The following GLG1 variants were observed in gnomAD, a reference collection of about 807,000 sequenced individuals.
The protein encoded by GLG1 is Golgi apparatus protein 1.
In GLG1, 38 loss-of-function variants were observed where a neutral mutation model predicts 160.5. The ratio of observed to expected loss-of-function variants is 0.24; its 90% CI spans 0.18 to 0.31. The LOEUF (loss-of-function observed/expected upper bound fraction) is 0.31, where lower values mean the gene tolerates loss of function less well. Among genes scored for constraint, GLG1 ranks in the 10% least tolerant of loss-of-function variants. The probability of loss-of-function intolerance (pLI) is 1.00; values close to 1 mark genes in which losing one functional copy is unlikely to be tolerated. For missense variants in GLG1, 1,373 were observed against 1,505.2 expected (o/e 0.91, Z 1.45); for synonymous variants, 644 against 543.4 (o/e 1.19, Z -2.57).
chr16:74,601,025 G>A (rs981465018), intron 1 of GLG1, among the ~76,000 whole-genome samples: 4 of 152,066 alleles, frequency 2.6e-5, no homozygotes, highest in Non-Finnish European at 5.9e-5. Context: ...TGATTATGTG[G>A]TTAGATTGCT....
At chr16:74,523,539 A>T (rs2017239499) in intron 2 of GLG1, among the ~76,000 whole-genome samples, 1 of 152,164 alleles carries the variant, frequency 6.6e-6, no homozygotes, top group Non-Finnish European at 1.5e-5. Context: ...CACATTTTTT[A>T]TAACACCAAG....
In GLG1 at chr16:74,455,827, G is replaced by A. The variant is rs762393362; in HGVS notation, c.3372+822C>T. Among the ~76,000 whole-genome samples the A allele has an allele frequency of 4.6e-5, 7 of 152,172 alleles. No individual in the cohort carries two copies. In the South Asian group the frequency reaches 1.2e-3, roughly 27 times the overall value. On this transcript the variant is annotated intron_variant, in intron 25 of 25. Coordinates refer to ENST00000422840, the MANE Select transcript of GLG1 (RefSeq NM_001145667.2). Reference sequence around the variant, plus strand: ...TCAGTTTCCTTCACTGTAAAGTGACGAAACAGTCATTATACTTACCTCACA... The same window carrying A: ...TCAGTTTCCTTCACTGTAAAGTGACAAAACAGTCATTATACTTACCTCACA...
chr16:74,513,597 T>G (rs887703785), intron 2 of GLG1, among the ~76,000 whole-genome samples: 2 of 152,086 alleles, frequency 1.3e-5, no homozygotes, highest in South Asian at 2.1e-4. Context: ...AGGAATAGCA[T>G]CAACATCAAC....
Position 74,503,658 on chromosome 16 carries a change from C to CA in GLG1, c.646dup (p.Cys216LeufsTer14). The CA allele has an allele frequency of 6.2e-7, 1 of 1,612,440 alleles. No homozygotes were observed. The highest frequency in any genetic ancestry group is 8.5e-7 in the Non-Finnish European group (1 of 1,178,436). On this transcript the variant is annotated frameshift_variant, in exon 4 of 26. Transcript: ENST00000422840. LOFTEE classifies it high-confidence loss of function. The stretch of plus-strand genomic sequence containing the variant: ...CGTCATCTTGGTAATGTACTGGTGA[C>CA]ACTGATACTCAGTGATGTTGCCTCG...
chr16:74,603,408 C>CA (rs66587758), intron 1 of GLG1, among the ~76,000 whole-genome samples: 102 of 128,956 alleles, frequency 7.9e-4, no homozygotes, highest in Middle Eastern at 3.9e-3. Context: ...GACTCCGTCT[C>CA]AAAAAAAAAA....
Position 74,549,875 on chromosome 16 carries a change from A to G in GLG1, c.439-17722T>C, listed in dbSNP as rs1488148659. Among the ~76,000 whole-genome samples, 13 of 152,082 alleles carry G rather than the reference A, an allele frequency of 8.5e-5. No individual in the cohort carries two copies. The East Asian group carries it at 2.5e-3, about 29-fold the overall frequency. On this transcript the variant is annotated intron_variant, in intron 1 of 25. Coordinates refer to ENST00000422840, the MANE Select transcript of GLG1 (RefSeq NM_001145667.2). ...ACGCCTGTAATCCCACCACTGTAGG[A>G]GGCTAAGGCAGGGGGATCACTCAAG...
At position 74,447,629 on chromosome 16, in the gene GLG1, CT is replaced by C. The variant is rs1370259170; in HGVS notation, c.*5537del. 6.6e-6 allele frequency: 1 copy of C among 152,124 alleles called. No individual in the cohort carries two copies. Among genetic ancestry groups the C allele is most frequent in the Non-Finnish European group, 1.5e-5 (1 of 67,982 alleles). The allele number at this position is 152,124 out of a possible 1,614,324, so 9.4% of individuals were successfully genotyped here. On this transcript the variant is annotated 3_prime_UTR_variant, in exon 26 of 26. Transcript: ENST00000422840. ...AGAGGCTTGTTAATTGTATTTTTTT[CT>C]TTCTTTCAAAAACAAAACAAAACAA...
intron 2 of GLG1, among the ~76,000 whole-genome samples, chr16:74,523,328 G>A (rs1319091318): frequency 6.6e-6 from 1 of 152,104 alleles, no homozygotes; most frequent in Non-Finnish European, 1.5e-5. Context: ...GTATGAATCT[G>A]CTTCTACCAC....
chr16:74,467,920 T>C (rs192952971), intron 17 of GLG1, 72 bp from the exon 18 acceptor site: 3 of 964,120 alleles, frequency 3.1e-6, no homozygotes, highest in Non-Finnish European at 4.8e-6. Flanking sequence ...TGGAGACTTA[T>C]TTGTTGACTG....
intron 16 of GLG1, 26 bp downstream of exon 16, chr16:74,469,959 G>C (rs777581947): frequency 7.2e-7 from 1 of 1,392,374 alleles, no homozygotes; most frequent in East Asian, 2.3e-5. Flanking sequence ...CGGGAAAGTG[G>C]AATGAAACAA....
At chr16:74,499,836 T>C (rs555769950) in intron 4 of GLG1, among the ~76,000 whole-genome samples, 2 of 152,232 alleles carry the variant, frequency 1.3e-5, no homozygotes, top group South Asian at 2.1e-4. Context: ...ACCCCGTCTC[T>C]ACTAAAAATA....
rs33939816 is a variant in GLG1 at position 74,462,951 on chromosome 16, G to GA, written c.2792-322dup. On this transcript the variant is annotated intron_variant, in intron 20 of 25. Transcript: ENST00000422840. ...CATAACAGACACTTTTGAGAACACT[G>GA]AAAAAGAAATACAATATCCAACTCA... 2.5e-3 allele frequency: 1,050 copies of GA among 417,342 alleles called. 19 individuals are homozygous for GA. The highest frequency in any genetic ancestry group is 0.02 in the South Asian group (656 of 33,092). The allele number at this position is 417,342 out of a possible 1,614,324, so 25.9% of individuals were successfully genotyped here.
At chr16:74,580,689 TGAA>T (rs1209935873) in intron 1 of GLG1, among the ~76,000 whole-genome samples, 1 of 152,114 alleles carries the variant, frequency 6.6e-6, no homozygotes, top group African/African-American at 2.4e-5. Flanking sequence ...ACATCAAAGT[TGAA>T]GACGACCAAA....
chr16:74,538,728 A>ATTTT (rs58959074), intron 1 of GLG1, among the ~76,000 whole-genome samples: 1 of 131,172 alleles, frequency 7.6e-6, no homozygotes, highest in Non-Finnish European at 1.6e-5. Flanking sequence ...AGATTTTGAG[A>ATTTT]TTTTTTTTTT....
intron 1 of GLG1, among the ~76,000 whole-genome samples, chr16:74,542,179 A>C (rs978895312): frequency 2.7e-5 from 4 of 148,382 alleles, no homozygotes; most frequent in African/African-American, 1.0e-4. Flanking sequence ...AGTATAGCTA[A>C]CTTTTACATG....
At chr16:74,505,777 C>A (rs1307000919) in intron 3 of GLG1, among the ~76,000 whole-genome samples, 5 of 152,204 alleles carry the variant, frequency 3.3e-5, no homozygotes, top group Non-Finnish European at 7.3e-5. Context: ...ATTGCTAGAA[C>A]CCGGCAGGCG....
intron 2 of GLG1, among the ~76,000 whole-genome samples, chr16:74,528,343 T>C (rs2017407740): frequency 6.6e-6 from 1 of 152,086 alleles, no homozygotes; most frequent in Non-Finnish European, 1.5e-5. Context: ...GGATATAGAA[T>C]TCCATGTTGG....
intron 1 of GLG1, among the ~76,000 whole-genome samples, chr16:74,577,619 T>G (rs949251881): frequency 2.6e-5 from 4 of 151,888 alleles, no homozygotes; most frequent in African/African-American, 9.7e-5. Flanking sequence ...TTCTTTTTAT[T>G]TTTATTTTTT....
rs182150967 is a variant in GLG1, at chr16:74,462,019, A to G, written c.3036+75T>C. 4.0e-5 allele frequency: 31 copies of G among 767,274 alleles called. No individual in the cohort carries two copies. In the African/African-American group the frequency reaches 5.1e-4, roughly 13 times the overall value. 47.5% of individuals were successfully genotyped at this position (767,274 alleles called of 1,614,324 possible). A position where few individuals can be genotyped will look rare whatever the true frequency, so the allele number is the denominator to read the frequency against. On this transcript the variant is annotated intron_variant, in intron 22 of 25. Coordinates refer to ENST00000422840, the MANE Select transcript of GLG1 (RefSeq NM_001145667.2). ...GATCATTCACGGCTGAAGGGAGAGA[A>G]AGTAAACAACTTTTCTCCAGTGGAA...
Sources: allele counts gnomAD v4.1 joint callset (sites outside exome capture counted in the v4.1 genomes callset), GRCh38; gene constraint gnomAD v4.1.1; transcripts MANE v1.5; gene names NCBI Gene and HGNC (gene_info 2026-07-23, HGNC 2026-07-21).